GPRIN3: variants seen among roughly 807,000 people sequenced by gnomAD.
The protein encoded by GPRIN3 is GPRIN family member 3.
GPRIN3 carries 12 observed loss-of-function variants against 13.7 expected under a neutral mutation model. The observed-to-expected ratio is 0.87, with a 90% CI of 0.56 to 1.42. GPRIN3 has a LOEUF of 1.42. Among genes scored for constraint, GPRIN3 ranks in the 40% most tolerant of loss-of-function variants. GPRIN3 has a pLI of 0.00. For missense variants in GPRIN3, 1,009 were observed against 958.7 expected (o/e 1.05, Z -0.69); for synonymous variants, 377 against 372.7 (o/e 1.01, Z -0.13).
chr4:89,271,116 T>A (rs1465166297), intron 1 of GPRIN3, among the ~76,000 whole-genome samples: 1 of 152,208 alleles, frequency 6.6e-6, no homozygotes, highest in African/African-American at 2.4e-5. Context: ...AATGTTACTA[T>A]GCTCTAGGTG....
intron 1 of GPRIN3, among the ~76,000 whole-genome samples, chr4:89,270,009 A>T (rs1723884767): frequency 6.6e-6 from 1 of 152,208 alleles, no homozygotes; most frequent in Non-Finnish European, 1.5e-5. Context: ...TCTTAGCTTG[A>T]GTATCTTTAA....
In GPRIN3 at chr4:89,250,103, G is replaced by T. The variant is rs771147221; in HGVS notation, c.8C>A (p.Thr3Asn). MG[T>N]VPDPLRSAKT... ...AGCTGATCTCAGAGGGTCAGGTACAGTCCCCATGGAATTTCTCTTCAGGAG... is the reference window on the plus strand; with the variant it reads ...AGCTGATCTCAGAGGGTCAGGTACATTCCCCATGGAATTTCTCTTCAGGAG... Residue 3 changes from threonine (T) to asparagine (N), a missense_variant, in exon 2 of 2, where the codon ACT becomes AAT. Transcript: ENST00000609438. The T allele has an allele frequency of 1.9e-6, 3 of 1,611,698 alleles. No individual in the cohort carries two copies. The highest frequency in any genetic ancestry group is 4.5e-5 in the East Asian group (2 of 44,850).
intron 1 of GPRIN3, among the ~76,000 whole-genome samples, chr4:89,275,481 T>C (rs1253701233): frequency 1.3e-5 from 2 of 152,170 alleles, no homozygotes; most frequent in South Asian, 2.1e-4. Flanking sequence ...TTGGAATCAG[T>C]AGAAAAAGAG....
chr4:89,265,843 T>C (rs889893066), intron 1 of GPRIN3, among the ~76,000 whole-genome samples: 1 of 152,232 alleles, frequency 6.6e-6, no homozygotes, highest in Non-Finnish European at 1.5e-5. Context: ...TATGCTGTTT[T>C]TCATTACTTA....
intron 1 of GPRIN3, among the ~76,000 whole-genome samples, chr4:89,283,754 T>G (rs1177935806): frequency 3.3e-5 from 5 of 151,992 alleles, no homozygotes; most frequent in Non-Finnish European, 7.4e-5. Context: ...GCATTTCAGG[T>G]GCATATGGAC....
At chr4:89,259,338 G>A (rs7690986) in intron 1 of GPRIN3, among the ~76,000 whole-genome samples, 72,399 of 151,948 alleles carry the variant, frequency 0.48, 17,892 homozygotes, top group South Asian at 0.68. Flanking sequence ...CATCTACTTG[G>A]TTTGCCTGAC....
Position 89,248,946 on chromosome 4 carries a change from T to G in GPRIN3, c.1165A>C (p.Met389Leu), listed in dbSNP as rs76496030. ...PQESSQCPGIMPQVHIQAAAA... is the reference protein window; with the variant it reads ...PQESSQCPGILPQVHIQAAAA... Reference sequence around the variant, plus strand: ...GCTGCCTGAATGTGCACCTGTGGCATGATGCCAGGGCACTGGCTGGACTCC... The same window carrying G: ...GCTGCCTGAATGTGCACCTGTGGCAGGATGCCAGGGCACTGGCTGGACTCC... The change falls in exon 2 of 2, where the codon ATG becomes CTG. Residue 389 changes from methionine (M) to leucine (L), a missense_variant. Transcript: ENST00000609438. 4.8e-3 allele frequency: 7,695 copies of G among 1,614,186 alleles called. 292 individuals are homozygous for G. The African/African-American group carries it at 0.084, about 18-fold the overall frequency.
At chr4:89,304,282 G>C (rs1377291643) in intron 1 of GPRIN3, among the ~76,000 whole-genome samples, 1 of 152,120 alleles carries the variant, frequency 6.6e-6, no homozygotes, top group African/African-American at 2.4e-5. Flanking sequence ...TCGGCTCTTG[G>C]CATCTTGCAA....
chr4:89,276,153 A>T (rs1724087557), intron 1 of GPRIN3, among the ~76,000 whole-genome samples: 1 of 152,204 alleles, frequency 6.6e-6, no homozygotes, highest in Admixed American at 6.5e-5. Flanking sequence ...GATAACAATG[A>T]ATTTTGAATA....
chr4:89,292,433 A>G (rs1279066375), intron 1 of GPRIN3, among the ~76,000 whole-genome samples: 1 of 152,258 alleles, frequency 6.6e-6, no homozygotes, highest in Admixed American at 6.5e-5. Flanking sequence ...GAAATTAAGA[A>G]TTATTAATTA....
Position 89,237,869 on chromosome 4 carries a change from A to G in GPRIN3, c.*9911T>C, listed in dbSNP as rs1214147289. On this transcript the variant is annotated 3_prime_UTR_variant, in exon 2 of 2. Coordinates refer to ENST00000609438, the MANE Select transcript of GPRIN3 (RefSeq NM_198281.3). ...CTCAACATTGAAGATGTGAAGAATG[A>G]GAACATTTGGCTGGAAACGGCACCT... 3.3e-5 allele frequency: 5 copies of G among 152,204 alleles called. No homozygotes were observed. The highest frequency in any genetic ancestry group is 7.3e-5 in the Non-Finnish European group (5 of 68,040). 9.4% of individuals were successfully genotyped at this position (152,204 alleles called of 1,614,324 possible).
intron 1 of GPRIN3, among the ~76,000 whole-genome samples, chr4:89,264,655 G>T (rs1157578053): frequency 6.6e-6 from 1 of 152,124 alleles, no homozygotes; most frequent in Non-Finnish European, 1.5e-5. Flanking sequence ...GACAGAATAA[G>T]GGGCAAGATT....
intron 1 of GPRIN3, among the ~76,000 whole-genome samples, chr4:89,265,053 A>C (rs1277492707): frequency 6.6e-6 from 1 of 152,190 alleles, no homozygotes; most frequent in Non-Finnish European, 1.5e-5. Context: ...AGTATGCTAC[A>C]GTTTTTATGG....
At chr4:89,293,545 C>T (rs72872587) in intron 1 of GPRIN3, among the ~76,000 whole-genome samples, 1,776 of 152,304 alleles carry the variant, frequency 0.012, 30 homozygotes, top group African/African-American at 0.041. Flanking sequence ...GCCAGGTGCA[C>T]GAATGGCTTT....
At position 89,249,303 on chromosome 4, in the gene GPRIN3, G is replaced by A. The variant is rs761869927; in HGVS notation, c.808C>T (p.Leu270Phe). 3 of 1,613,962 alleles carry A rather than the reference G, an allele frequency of 1.9e-6. No individual in the cohort carries two copies. Among genetic ancestry groups the A allele is most frequent in the Non-Finnish European group, 2.5e-6 (3 of 1,180,000 alleles). ...GGACATGCCGAAGGTTCGCTAGTGA[G>A]GGGGGTTGGTTGAGGTGTCACAGAA... ...TTSVTPQPTP[L>F]TSEPSACPPG... Residue 270 changes from leucine to phenylalanine, a missense_variant, in exon 2 of 2, where the codon CTC becomes TTC. Coordinates refer to ENST00000609438, the MANE Select transcript of GPRIN3 (RefSeq NM_198281.3).
At chr4:89,279,993 A>C (rs1000489777) in intron 1 of GPRIN3, among the ~76,000 whole-genome samples, 4 of 152,202 alleles carry the variant, frequency 2.6e-5, no homozygotes, top group African/African-American at 9.7e-5. Context: ...AAATATGTCC[A>C]AAACTCATCC....
chr4:89,262,291 C>T (rs1336664496), intron 1 of GPRIN3, among the ~76,000 whole-genome samples: 2 of 151,956 alleles, frequency 1.3e-5, no homozygotes, highest in Non-Finnish European at 2.9e-5. Context: ...AAATGAGTAT[C>T]TTTGCTTGTA....
intron 1 of GPRIN3, among the ~76,000 whole-genome samples, chr4:89,306,771 C>T (rs547409243): frequency 1.1e-4 from 16 of 152,286 alleles, no homozygotes; most frequent in African/African-American, 3.6e-4. Flanking sequence ...GTGATTTCTC[C>T]CAATGGCCCT....
rs797014581 is a variant in GPRIN3 at position 89,236,418 on chromosome 4, A to G, written c.*11362T>C. 6.6e-5 allele frequency: 10 copies of G among 152,344 alleles called. No individual in the cohort carries two copies. The highest frequency in any genetic ancestry group is 2.4e-4 in the African/African-American group (10 of 41,586). 9.4% of individuals were successfully genotyped at this position (152,344 alleles called of 1,614,324 possible). A position where few individuals can be genotyped will look rare whatever the true frequency, so the allele number is the denominator to read the frequency against. On this transcript the variant is annotated 3_prime_UTR_variant, in exon 2 of 2. Transcript: ENST00000609438. ...TCCAGATTTATCAAAAGTTTATTAA[A>G]TAGAATACAATGGCAAAATTCAAGG...
Sources: gnomAD v4.1 joint callset for allele counts (sites outside exome capture counted in the v4.1 genomes callset) on GRCh38, gnomAD v4.1.1 for gene constraint, MANE v1.5 for transcripts, NCBI Gene and HGNC (gene_info 2026-07-23, HGNC 2026-07-21) for gene names.